The following KPRP variants were observed in gnomAD, a reference collection of about 807,000 sequenced individuals.
KPRP encodes the protein keratinocyte proline rich protein.
For missense variants in KPRP, 820 were observed against 746.4 expected (o/e 1.10, Z -1.15); for synonymous variants, 282 against 276.9 (o/e 1.02, Z -0.18).
chr1:152,759,475 T>A, upstream of KPRP: 2 of 1,461,544 alleles, frequency 1.4e-6, no homozygotes, highest in Non-Finnish European at 1.8e-6. Context: ...GAAGAAAAGC[T>A]AGGGAAGATG....
chr1:152,760,482 C>T, exon 1 of KPRP: 3 of 1,613,410 alleles, frequency 1.9e-6, no homozygotes, highest in Non-Finnish European at 1.7e-6. Flanking sequence ...GCACCCCACC[C>T]CGCCGCTCTG....
exon 1 of KPRP, chr1:152,759,561 G>A (rs751094095): frequency 1.2e-6 from 2 of 1,600,458 alleles, no homozygotes; most frequent in Non-Finnish European, 1.7e-6. Context: ...TTGCCCTCAG[G>A]TCACTCTTGA....
rs559305884 is a variant in KPRP at position 152,761,024 on chromosome 1, T to C, written c.1436T>C (p.Ile479Thr). The change falls in exon 1 of 1, where the codon ATT (isoleucine) becomes ACT (threonine). Residue 479 changes from isoleucine to threonine, a missense_variant. By Grantham distance (89) the Ile-to-Thr change is moderately conservative. Coordinates refer to ENST00000606109, the Ensembl canonical transcript of KPRP. ...GAGCCTTGTCCACGACCAGAGCCAA[T>C]TCCCCTGCCGGCGCCCTGCCCAAGC... is the stretch of plus-strand genomic sequence containing the variant. The C allele has an allele frequency of 2.4e-5, 39 of 1,613,092 alleles. No individual in the cohort carries two copies. The South Asian group carries it at 4.2e-4, about 17-fold the overall frequency.
exon 1 of KPRP, chr1:152,760,441 C>T (rs1475664342): frequency 1.3e-5 from 21 of 1,614,022 alleles, no homozygotes; most frequent in Admixed American, 8.3e-5. Flanking sequence ...CTACCTGCCA[C>T]TAAGACCCTC....
rs1651131224 is a variant in KPRP at position 152,761,518 on chromosome 1, C to T, written c.*190C>T. The T allele has an allele frequency of 2.7e-6, 3 of 1,104,990 alleles. No homozygotes were observed. In the Admixed American group the frequency reaches 8.9e-5, roughly 33 times the overall value. The allele number at this position is 1,104,990 out of a possible 1,614,324, so 68.4% of individuals were successfully genotyped here. ...CCTGGGTCTCAGATGCCTCTCCAGC[C>T]TCACGTGTCACTCCTCGCCCGTACG... On this transcript the variant is annotated 3_prime_UTR_variant, in exon 1 of 1. Coordinates refer to ENST00000606109, the Ensembl canonical transcript of KPRP.
exon 1 of KPRP, chr1:152,761,482 A>G (rs1318263181): frequency 7.2e-7 from 1 of 1,382,934 alleles, no homozygotes; most frequent in African/African-American, 1.5e-5. Context: ...CCTATCATCC[A>G]AAGATCCACA....
upstream of KPRP, among the ~76,000 whole-genome samples, chr1:152,758,883 TG>T (rs1651019941): frequency 6.6e-6 from 1 of 152,280 alleles, no homozygotes. Flanking sequence ...TGGTGTGTTT[TG>T]CATGGGCACA....
chr1:152,761,248 C>T (rs369510908), exon 1 of KPRP: 6 of 1,613,438 alleles, frequency 3.7e-6, no homozygotes, highest in South Asian at 1.1e-5. Context: ...GTTTCCAGAG[C>T]GGAGGGGTCA....
chr1:152,759,650 C>G (rs772017398), exon 1 of KPRP: 7 of 1,614,018 alleles, frequency 4.3e-6, no homozygotes, highest in Non-Finnish European at 5.9e-6. Context: ...GTCAAGGGTC[C>G]CTCCTTCTGC....
At chr1:152,758,728 T>C (rs903378714), upstream of KPRP, among the ~76,000 whole-genome samples, 3 of 152,232 alleles carry the variant, frequency 2.0e-5, no homozygotes, top group Non-Finnish European at 2.9e-5. Context: ...CTTTCTGGCT[T>C]ACTCCATCTT....
chr1:152,759,171 C>T (rs866614341), upstream of KPRP, among the ~76,000 whole-genome samples: 1 of 152,210 alleles, frequency 6.6e-6, no homozygotes. Flanking sequence ...TGAGTAAATC[C>T]AAGCTCCTGT....
At chr1:152,758,341 C>T (rs183993441), upstream of KPRP, among the ~76,000 whole-genome samples, 22 of 152,308 alleles carry the variant, frequency 1.4e-4, no homozygotes, top group Admixed American at 3.3e-4. Context: ...GGAAAAGCCA[C>T]ATTAGCAATT....
At chr1:152,761,254 G>T (rs1651123592) in exon 1 of KPRP, 1 of 1,614,048 alleles carries the variant, frequency 6.2e-7, no homozygotes, top group Non-Finnish European at 8.5e-7. Flanking sequence ...AGAGCGGAGG[G>T]GTCAGGATGG....
chr1:152,760,835 TA>T lies in KPRP; in HGVS notation c.1248del (p.Glu417AsnfsTer97). 6.2e-7 allele frequency: 1 copy of T among 1,614,138 alleles called. No individual in the cohort carries two copies. Among genetic ancestry groups the T allele is most frequent in the South Asian group, 1.1e-5 (1 of 91,078 alleles). On this transcript the variant is annotated frameshift_variant, in exon 1 of 1. Transcript: ENST00000606109. LOFTEE classifies it low-confidence loss of function (END_TRUNC). ...CTGCGCCCAGAACCATGCATAAGTC[TA>T]GAACCACGCCCGCGTCCTCTACCAC...
exon 1 of KPRP, chr1:152,761,048 G>A (rs1465244550): frequency 1.2e-6 from 2 of 1,613,736 alleles, no homozygotes; most frequent in Non-Finnish European, 1.7e-6. Context: ...CCCTGCCCAA[G>A]CCCGGAGCCC....
At chr1:152,761,042 G>C in exon 1 of KPRP, 1 of 1,613,598 alleles carries the variant, frequency 6.2e-7, no homozygotes, top group East Asian at 2.2e-5. Context: ...CCGGCGCCCT[G>C]CCCAAGCCCG....
chr1:152,759,923 C>A, exon 1 of KPRP: 1 of 1,614,246 alleles, frequency 6.2e-7, no homozygotes, highest in South Asian at 1.1e-5. Flanking sequence ...AGCCAGGCTC[C>A]ATGCCAATCT....
Position 152,759,889 on chromosome 1 carries a change from C to T in KPRP, c.301C>T (p.Gln101Ter). 1 of 1,614,174 alleles carries T rather than the reference C, an allele frequency of 6.2e-7. No homozygotes were observed. Residue 101 changes from glutamine (Q) to a stop codon, truncating the protein, a stop_gained, in exon 1 of 1, where the codon CAA becomes TAA. Transcript: ENST00000606109. LOFTEE classifies it low-confidence loss of function (END_TRUNC). ...CCAGGTGAAGGGCCAGGCTGCATCC[C>T]AATCTCAAACTTCCTCTGTTCAAAG...
exon 1 of KPRP, chr1:152,761,121 A>G: frequency 6.2e-7 from 1 of 1,614,142 alleles, no homozygotes; most frequent in Non-Finnish European, 8.5e-7. Context: ...CATACCCAGG[A>G]GACCTAGGCT....
Sources: allele counts gnomAD v4.1 joint callset (sites outside exome capture counted in the v4.1 genomes callset), GRCh38; gene constraint gnomAD v4.1.1; transcripts MANE v1.5; gene names NCBI Gene and HGNC (gene_info 2026-07-23, HGNC 2026-07-21).